Variants in SLC39A12 observed in about 807,000 individuals in gnomAD.
SLC39A12 encodes solute carrier family 39 member 12.
Under a neutral mutation model 71.1 loss-of-function variants are expected in SLC39A12, and 63 were observed. That is an observed-to-expected ratio of 0.89 (90% CI 0.72 to 1.09). The LOEUF (loss-of-function observed/expected upper bound fraction) is 1.09. SLC39A12 is among the 50% of genes least tolerant of loss of function. The pLI is 0.00. For missense variants in SLC39A12, 892 were observed against 812.6 expected, an observed-to-expected ratio of 1.10 and a Z score of -1.19; for synonymous variants, 351 against 301.3, an observed-to-expected ratio of 1.16 and a Z score of -1.71.
At chr10:17,979,609 C>T (rs979289687) in intron 5 of SLC39A12, among the ~76,000 whole-genome samples, 6 of 151,984 alleles carry the variant, frequency 3.9e-5, no homozygotes, top group African/African-American at 1.4e-4. Flanking sequence ...CTTTGGCATA[C>T]ATTATTTTGA....
At chr10:17,992,141 TG>T (rs902800819) in intron 8 of SLC39A12, among the ~76,000 whole-genome samples, 1 of 151,678 alleles carries the variant, frequency 6.6e-6, no homozygotes, top group Non-Finnish European at 1.5e-5. Flanking sequence ...TAGCACTTAT[TG>T]TTTTTCATTC....
chr10:18,039,030 C>T (rs1320500981), intron 12 of SLC39A12, among the ~76,000 whole-genome samples: 3 of 152,174 alleles, frequency 2.0e-5, no homozygotes, highest in Admixed American at 6.5e-5. Flanking sequence ...TCAAAATAAT[C>T]GTGATGGTTC....
intron 12 of SLC39A12, among the ~76,000 whole-genome samples, chr10:18,034,711 G>C (rs1836948439): frequency 6.6e-6 from 1 of 151,560 alleles, no homozygotes; most frequent in African/African-American, 2.4e-5. Context: ...TGGTGATTTT[G>C]CTTGTCAGTT....
chr10:18,042,612 T>A, intron 12 of SLC39A12, 93 bp from the exon 13 acceptor site: 1 of 1,286,254 alleles, frequency 7.8e-7, no homozygotes, highest in Non-Finnish European at 1.0e-6. Context: ...GGTTATTAAG[T>A]TCTGAATAAC....
intron 5 of SLC39A12, 45 bp from the exon 6 acceptor site, chr10:17,981,267 T>C: frequency 6.6e-7 from 1 of 1,521,010 alleles, no homozygotes; most frequent in Non-Finnish European, 8.9e-7. Context: ...GAATCTAGTT[T>C]AAATATGCTG....
Position 17,961,788 on chromosome 10 carries a change from T to C in SLC39A12, c.469T>C (p.Ser157Pro), listed in dbSNP as rs781960824. Residue 157 changes from serine to proline, a missense_variant, in exon 3 of 13, where the codon TCT (serine) becomes CCT (proline). Coordinates refer to ENST00000377369, the MANE Select transcript of SLC39A12 (RefSeq NM_001145195.2). Reference sequence around the variant, plus strand: ...GAGCCTCAGGCAGGATGAAGATTCCTCTTTCCTTTCACAGAATGAGACAGA... The same window carrying C: ...GAGCCTCAGGCAGGATGAAGATTCCCCTTTCCTTTCACAGAATGAGACAGA... Reference protein sequence around the residue: ...LLSLRQDEDSSFLSQNETEDI... With the variant: ...LLSLRQDEDSPFLSQNETEDI... 3.1e-6 allele frequency: 5 copies of C among 1,614,030 alleles called. No individual in the cohort carries two copies. The highest frequency in any genetic ancestry group is 4.2e-6 in the Non-Finnish European group (5 of 1,180,016).
chr10:17,995,357 G>T (rs1181912171), intron 9 of SLC39A12, among the ~76,000 whole-genome samples: 1 of 152,156 alleles, frequency 6.6e-6, no homozygotes, highest in East Asian at 1.9e-4. Context: ...TTTCATAAAG[G>T]CTTACATAAT....
intron 11 of SLC39A12, among the ~76,000 whole-genome samples, 198 bp downstream of exon 11, chr10:18,001,023 C>T (rs2130842759): frequency 6.6e-6 from 1 of 152,234 alleles, no homozygotes; most frequent in Admixed American, 6.5e-5. Flanking sequence ...AGTTAAACTC[C>T]TTTATGATGT....
chr10:18,000,129 C>T (rs921386881), intron 10 of SLC39A12, among the ~76,000 whole-genome samples: 7 of 152,110 alleles, frequency 4.6e-5, no homozygotes, highest in East Asian at 3.9e-4. Context: ...TTGTAGATGG[C>T]GCCTTCCTGC....
chr10:17,993,059 A>G, intron 8 of SLC39A12, 122 bp from the exon 9 acceptor site: 1 of 589,660 alleles, frequency 1.7e-6, no homozygotes. Context: ...AAAGCATCCC[A>G]GTTCTCTTTT....
chr10:18,008,154 A>G (rs1418103257), intron 12 of SLC39A12, among the ~76,000 whole-genome samples: 1 of 152,202 alleles, frequency 6.6e-6, no homozygotes, highest in Admixed American at 6.5e-5. Flanking sequence ...GTTAGGAACG[A>G]GGCCGCACAG....
intron 12 of SLC39A12, among the ~76,000 whole-genome samples, chr10:18,004,869 A>G (rs1399571426): frequency 6.6e-6 from 1 of 152,192 alleles, no homozygotes; most frequent in Non-Finnish European, 1.5e-5. Context: ...CGTGATACAT[A>G]TGCACCGTGG....
At chr10:17,969,992 A>T (rs1834928439) in intron 4 of SLC39A12, among the ~76,000 whole-genome samples, 1 of 152,166 alleles carries the variant, frequency 6.6e-6, no homozygotes, top group African/African-American at 2.4e-5. Context: ...TTCTGGTTTC[A>T]TTCTTCTGCA....
At chr10:17,994,804 C>G (rs540710768) in intron 9 of SLC39A12, among the ~76,000 whole-genome samples, 1 of 152,276 alleles carries the variant, frequency 6.6e-6, no homozygotes, top group South Asian at 2.1e-4. Context: ...TTTACTTTCT[C>G]TCTTTTACAC....
intron 8 of SLC39A12, 24 bp downstream of exon 8, chr10:17,991,327 C>A: frequency 6.5e-7 from 1 of 1,542,282 alleles, no homozygotes; most frequent in African/African-American, 1.4e-5. Flanking sequence ...TTTTATTTGT[C>A]TTGTGCTTTA....
chr10:18,020,067 G>T (rs1045984758), intron 12 of SLC39A12, among the ~76,000 whole-genome samples: 1 of 151,914 alleles, frequency 6.6e-6, no homozygotes, highest in South Asian at 2.1e-4. Context: ...TGTGGGATTT[G>T]GAATACAGAT....
intron 4 of SLC39A12, among the ~76,000 whole-genome samples, chr10:17,969,199 C>T (rs755698928): frequency 6.6e-6 from 1 of 152,158 alleles, no homozygotes; most frequent in Non-Finnish European, 1.5e-5. Flanking sequence ...CATTGATAGA[C>T]ACTTAGGTTG....
intron 9 of SLC39A12, among the ~76,000 whole-genome samples, chr10:17,994,568 A>T (rs1199485370): frequency 6.6e-6 from 1 of 152,200 alleles, no homozygotes; most frequent in African/African-American, 2.4e-5. Flanking sequence ...TTTTCACAGA[A>T]CTATAAAGCA....
At chr10:17,963,720 GC>G in intron 3 of SLC39A12, among the ~76,000 whole-genome samples, 1 of 152,216 alleles carries the variant, frequency 6.6e-6, no homozygotes, top group Middle Eastern at 3.4e-3. Flanking sequence ...TGACTAGATG[GC>G]ATGAGGTCAG....
Sources: allele counts gnomAD v4.1 joint callset (sites outside exome capture counted in the v4.1 genomes callset), GRCh38; gene constraint gnomAD v4.1.1; transcripts MANE v1.5; gene names NCBI Gene and HGNC (gene_info 2026-07-23, HGNC 2026-07-21).